Variants in TRPM5 observed in about 807,000 individuals in gnomAD.
TRPM5 encodes the protein MLSN1 and TRP-related.
TRPM5 carries 121 observed loss-of-function variants against 124.9 expected under a neutral mutation model. The ratio of observed to expected loss-of-function variants is 0.97; its 90% CI spans 0.84 to 1.13. The LOEUF is 1.13. TRPM5 is among the 50% of genes most tolerant of loss of function. TRPM5 has a pLI of 0.00. For missense variants in TRPM5, 1,643 were observed against 1,589.1 expected, an observed-to-expected ratio of 1.03 and a Z score of -0.58; for synonymous variants, 781 against 700.5, an observed-to-expected ratio of 1.11 and a Z score of -1.81.
the TRPM5 span, among the ~76,000 whole-genome samples, chr11:2,436,885 G>C: frequency 6.6e-6 from 1 of 152,238 alleles, no homozygotes; most frequent in Admixed American, 6.5e-5. Context: ...AGATCAAAGT[G>C]AACGCAGCCA....
exon 2 of TRPM5, chr11:2,422,321 A>T: frequency 6.4e-7 from 1 of 1,560,486 alleles, no homozygotes; most frequent in Non-Finnish European, 8.7e-7. Flanking sequence ...ACCCGTACAA[A>T]CTGCAAGGCA....
intron 18 of TRPM5, among the ~76,000 whole-genome samples, chr11:2,409,041 C>A (rs1850386726): frequency 6.6e-6 from 1 of 152,194 alleles, no homozygotes; most frequent in Non-Finnish European, 1.5e-5. Context: ...CAGGTTCCTG[C>A]CTCTGTGCCT....
intron 20 of TRPM5, 34 bp from the exon 26 acceptor site, chr11:2,406,827 A>G: frequency 6.3e-7 from 1 of 1,595,002 alleles, no homozygotes; most frequent in Non-Finnish European, 8.5e-7. Flanking sequence ...GCATTACTAG[A>G]GCATGTGGGC....
intron 2 of TRPM5, among the ~76,000 whole-genome samples, 194 bp downstream of exon 7, chr11:2,421,947 G>A (rs1031568102): frequency 9.9e-5 from 15 of 151,782 alleles, no homozygotes; most frequent in African/African-American, 2.2e-4. Flanking sequence ...AAATGTTCTC[G>A]TGATGGCCTG....
At chr11:2,410,243 A>G (rs889561207) in intron 18 of TRPM5, among the ~76,000 whole-genome samples, 1 of 152,136 alleles carries the variant, frequency 6.6e-6, no homozygotes, top group Non-Finnish European at 1.5e-5. Context: ...GGCGGTTTCC[A>G]TCACGGCGTC....
chr11:2,412,019 A>G, intron 16 of TRPM5, 116 bp downstream of exon 21: 1 of 994,784 alleles, frequency 1.0e-6, no homozygotes. Context: ...CACCCACCTC[A>G]GCCTCCTGAG....
chr11:2,407,166 A>G, exon 20 of TRPM5: 1 of 1,610,810 alleles, frequency 6.2e-7, no homozygotes, highest in South Asian at 1.1e-5. Context: ...GACCCGGCGG[A>G]GCGTCAGGCT....
intron 12 of TRPM5, 137 bp downstream of exon 17, chr11:2,413,924 A>C (rs1255798608): frequency 8.0e-7 from 1 of 1,253,820 alleles, no homozygotes; most frequent in Non-Finnish European, 1.1e-6. Flanking sequence ...CAGGAACAGA[A>C]GCCCCACCCC....
At chr11:2,412,067 G>T in intron 16 of TRPM5, 68 bp downstream of exon 21, 1 of 1,369,440 alleles carries the variant, frequency 7.3e-7, no homozygotes, top group Middle Eastern at 2.0e-4. Flanking sequence ...CACCCAACCT[G>T]AGTGGCTTCA....
exon 9 of TRPM5, chr11:2,415,245 C>A (rs377695084): frequency 2.5e-6 from 4 of 1,570,930 alleles, no homozygotes; most frequent in Non-Finnish European, 3.4e-6. Flanking sequence ...GGGTGGCTCC[C>A]GGGCCTGCTG....
At chr11:2,423,000 C>G (rs773480921) in exon 1 of TRPM5, 1 of 1,612,790 alleles carries the variant, frequency 6.2e-7, no homozygotes, top group Non-Finnish European at 8.5e-7. Context: ...TCAGCATCCC[C>G]GGGGCTTCCG....
intron 2 of TRPM5, among the ~76,000 whole-genome samples, chr11:2,421,460 G>C (rs10832016): frequency 0.43 from 65,200 of 152,098 alleles, 14,263 homozygotes; most frequent in East Asian, 0.63. Context: ...ACAAACTGGG[G>C]TCCAGTCCCC....
rs1172732136 is a variant in TRPM5 at position 2,413,018 on chromosome 11, C to T, written c.2097-6G>A. On this transcript the variant is annotated splice_polypyrimidine_tract_variant and splice_region_variant and intron_variant, in intron 14 of 23. Transcript: ENST00000155858. ...CCTCCACCAGCTCCTCCACCCTGTG[C>T]CGCAGAGAAGTTCGCAGTGGTGAGG... The T allele has an allele frequency of 6.3e-7, 1 of 1,599,370 alleles. No homozygotes were observed. Among genetic ancestry groups the T allele is most frequent in the Non-Finnish European group, 8.5e-7 (1 of 1,174,174 alleles).
the TRPM5 span, among the ~76,000 whole-genome samples, chr11:2,444,323 C>T: frequency 3.9e-4 from 60 of 152,004 alleles, no homozygotes; most frequent in African/African-American, 1.3e-3. Flanking sequence ...TCCCCCCAAC[C>T]CCAACTCCGG....
At chr11:2,409,955 G>C (rs1212626334) in intron 18 of TRPM5, among the ~76,000 whole-genome samples, 1 of 152,204 alleles carries the variant, frequency 6.6e-6, no homozygotes, top group Admixed American at 6.5e-5. Context: ...GAGTCGCTGA[G>C]ACTGGCCCAC....
chr11:2,412,052 C>G, intron 16 of TRPM5, 83 bp downstream of exon 21: 1 of 1,245,216 alleles, frequency 8.0e-7, no homozygotes, highest in Non-Finnish European at 1.2e-6. Flanking sequence ...CAAGTGCCAC[C>G]GCCACACCCA....
rs546229465 is a variant in TRPM5 at position 2,417,906 on chromosome 11, C to A, written c.907-77G>T. The A allele has an allele frequency of 4.4e-6, 6 of 1,372,212 alleles. No homozygotes were observed. In the Admixed American group the frequency reaches 1.0e-4, roughly 23 times the overall value. The allele number at this position is 1,372,212 out of a possible 1,614,324, so 85.0% of individuals were successfully genotyped here. ...AGAGGCAGGCCGTGGTAGACACCAG[C>A]GTAGGCACAGGCAGCGTCCCCAGGT... On this transcript the variant is annotated intron_variant, in intron 6 of 23. Transcript: ENST00000155858.
At chr11:2,428,440 GTGA>G in the TRPM5 span, among the ~76,000 whole-genome samples, 5 of 152,330 alleles carry the variant, frequency 3.3e-5, no homozygotes, top group East Asian at 9.6e-4. The surrounding 1 kb of genome is among the most constrained non-coding windows in gnomAD (Gnocchi z 4.0). Flanking sequence ...ACGGGTGAAG[GTGA>G]TGGTGGTGGT....
exon 4 of TRPM5, chr11:2,420,234 C>T (rs1333353157): frequency 3.1e-6 from 5 of 1,603,330 alleles, no homozygotes; most frequent in Non-Finnish European, 4.2e-6. Context: ...CCGTAGCCCG[C>T]CCTCTGCTCC....
Sources: allele counts gnomAD v4.1 joint callset (sites outside exome capture counted in the v4.1 genomes callset), GRCh38; gene constraint gnomAD v4.1.1; non-coding constraint Gnocchi (gnomAD v3.1); transcripts MANE v1.5; gene names NCBI Gene and HGNC (gene_info 2026-07-23, HGNC 2026-07-21).